The following AOPEP variants were observed in gnomAD, a reference collection of about 807,000 sequenced individuals.
AOPEP encodes aminopeptidase O (putative).
AOPEP carries 77 observed loss-of-function variants against 98.1 expected under a neutral mutation model. That is an observed-to-expected ratio of 0.78 (90% CI 0.65 to 0.95). The LOEUF (loss-of-function observed/expected upper bound fraction) is 0.95. Among genes scored for constraint, AOPEP ranks in the 40% least tolerant of loss-of-function variants. The pLI is 0.00. For synonymous variants in AOPEP, 346 were observed against 365.3 expected (o/e 0.95, Z 0.60); for missense variants, 1,024 against 1,024.7 (o/e 1.00, Z 0.01).
intron 13 of AOPEP, among the ~76,000 whole-genome samples, chr9:95,008,075 AT>A (rs1193499986): frequency 6.6e-6 from 1 of 152,140 alleles, no homozygotes; most frequent in Non-Finnish European, 1.5e-5. Flanking sequence ...GATTTTATTC[AT>A]TTTGTATTAG....
chr9:94,772,318 A>G (rs1206262558), intron 2 of AOPEP, among the ~76,000 whole-genome samples: 1 of 152,184 alleles, frequency 6.6e-6, no homozygotes, highest in African/African-American at 2.4e-5. Flanking sequence ...TGGTTTGGGT[A>G]GGGCTGTACT....
At chr9:95,066,606 G>A (rs537945058) in intron 14 of AOPEP, among the ~76,000 whole-genome samples, 5 of 152,186 alleles carry the variant, frequency 3.3e-5, no homozygotes, top group African/African-American at 9.6e-5. Flanking sequence ...TGTCCCTGCC[G>A]TCTGCTGTTT....
At chr9:95,061,451 G>A (rs1156462367) in intron 14 of AOPEP, among the ~76,000 whole-genome samples, 1 of 152,220 alleles carries the variant, frequency 6.6e-6, no homozygotes, top group East Asian at 1.9e-4. Flanking sequence ...AATGCAGAAA[G>A]TAAGTTTGGT....
chr9:95,032,835 C>T (rs1036257279), intron 13 of AOPEP, among the ~76,000 whole-genome samples: 2 of 152,202 alleles, frequency 1.3e-5, no homozygotes, highest in African/African-American at 2.4e-5. Context: ...AGTGATGTTA[C>T]AGGACGTGCA....
At chr9:95,108,861 C>G in the AOPEP span, among the ~76,000 whole-genome samples, 2 of 151,962 alleles carry the variant, frequency 1.3e-5, no homozygotes, top group African/African-American at 2.4e-5. Context: ...CCATAATGTA[C>G]TATAAGCAGT....
chr9:95,115,031 C>T, the AOPEP span, among the ~76,000 whole-genome samples: 1 of 152,210 alleles, frequency 6.6e-6, no homozygotes, highest in Non-Finnish European at 1.5e-5. Flanking sequence ...GCCCCAACCT[C>T]CTGGGCTCAA....
the AOPEP span, chr9:95,107,579 G>T: frequency 2.1e-6 from 1 of 475,758 alleles, no homozygotes; most frequent in Non-Finnish European, 3.8e-6. Flanking sequence ...TTTATATTGT[G>T]GGAAAAAGAA....
chr9:94,820,650 A>C (rs1852864962), intron 5 of AOPEP, among the ~76,000 whole-genome samples: 1 of 152,240 alleles, frequency 6.6e-6, no homozygotes, highest in Admixed American at 6.5e-5. Flanking sequence ...GTGAATCACA[A>C]AGATTTCATT....
chr9:94,871,115 T>C (rs1464664717), intron 5 of AOPEP, among the ~76,000 whole-genome samples: 2 of 152,266 alleles, frequency 1.3e-5, no homozygotes, highest in Non-Finnish European at 2.9e-5. Flanking sequence ...GAGGGCATTC[T>C]GATGCCCCAC....
At chr9:94,851,280 G>A (rs2043514819) in intron 5 of AOPEP, among the ~76,000 whole-genome samples, 1 of 152,134 alleles carries the variant, frequency 6.6e-6, no homozygotes, top group Admixed American at 6.5e-5. Context: ...CTCAGCTGGA[G>A]TCCCACGCCC....
At chr9:94,923,922 A>G (rs1424011222) in intron 5 of AOPEP, 64 bp from the exon 6 acceptor site, 4 of 1,162,838 alleles carry the variant, frequency 3.4e-6, no homozygotes, top group Admixed American at 4.1e-5. Context: ...AAGCTGCCCC[A>G]TCGGATGGCC....
chr9:94,858,952 C>T (rs182228854), intron 5 of AOPEP, among the ~76,000 whole-genome samples: 4 of 146,564 alleles, frequency 2.7e-5, no homozygotes, highest in Admixed American at 7.0e-5. Flanking sequence ...GGTGTGAACC[C>T]GGGAGGCGGA....
At chr9:94,821,488 A>G (rs576888409) in intron 5 of AOPEP, among the ~76,000 whole-genome samples, 1 of 152,376 alleles carries the variant, frequency 6.6e-6, no homozygotes, top group Admixed American at 6.5e-5. Flanking sequence ...GAGGCCAAGC[A>G]TGATTTGAAT....
chr9:94,841,109 G>T (rs2042211005), intron 5 of AOPEP, among the ~76,000 whole-genome samples: 1 of 150,650 alleles, frequency 6.6e-6, no homozygotes. Flanking sequence ...TTGTTCTATT[G>T]TAACAAGCAC....
At position 94,751,673 on chromosome 9, in the gene AOPEP, A is replaced by G. The variant is rs562080410; in HGVS notation, c.-135-7976A>G. The stretch of plus-strand genomic sequence containing the variant: ...TTAATCATCTCTCTGGGCTTCTGTG[A>G]TAATAAAAGGTAATCTATAGCTCTG... On this transcript the variant is annotated intron_variant, in intron 1 of 16. Coordinates refer to ENST00000375315, the MANE Select transcript of AOPEP (RefSeq NM_001193329.3). Among the ~76,000 whole-genome samples, 4 of 152,066 alleles carry G rather than the reference A, an allele frequency of 2.6e-5. No individual in the cohort carries two copies. The East Asian group carries it at 7.7e-4, about 29-fold the overall frequency.
chr9:95,085,609 C>T, intron 16 of AOPEP: 1 of 410,792 alleles, frequency 2.4e-6, no homozygotes, highest in Middle Eastern at 8.1e-4. Context: ...CGCTGCTGCA[C>T]AGTCAGCTTG....
At chr9:94,761,834 CTG>C (rs1838380732) in intron 2 of AOPEP, among the ~76,000 whole-genome samples, 1 of 152,108 alleles carries the variant, frequency 6.6e-6, no homozygotes, top group African/African-American at 2.4e-5. Flanking sequence ...TTTTTGGAGA[CTG>C]TGAAAGAATG....
intron 11 of AOPEP, among the ~76,000 whole-genome samples, chr9:95,001,025 T>C (rs2061530300): frequency 6.6e-6 from 1 of 152,180 alleles, no homozygotes; most frequent in Admixed American, 6.5e-5. Flanking sequence ...AAGAGCCCCT[T>C]GCTTGCCCTG....
At chr9:95,038,670 A>G (rs2065034286) in intron 13 of AOPEP, among the ~76,000 whole-genome samples, 1 of 152,236 alleles carries the variant, frequency 6.6e-6, no homozygotes, top group South Asian at 2.1e-4. Context: ...TCCTCAAGGG[A>G]ACGAGTCTTG....
Sources: allele counts gnomAD v4.1 joint callset (sites outside exome capture counted in the v4.1 genomes callset), GRCh38; gene constraint gnomAD v4.1.1; transcripts MANE v1.5; gene names NCBI Gene and HGNC (gene_info 2026-07-23, HGNC 2026-07-21).